The following PALLD variants were observed in gnomAD, a reference collection of about 807,000 sequenced individuals.
PALLD encodes the protein palladin, cytoskeletal associated protein.
PALLD carries 61 observed loss-of-function variants against 123.5 expected under a neutral mutation model. The ratio of observed to expected loss-of-function variants is 0.49; its 90% confidence interval spans 0.40 to 0.61. PALLD has a LOEUF of 0.61. PALLD is among the 20% of genes least tolerant of loss of function. The pLI, the probability that PALLD is intolerant of heterozygous loss-of-function variation, is 0.00. For missense variants in PALLD, 1,273 were observed against 1,377.0 expected (o/e 0.92, Z 1.20); for synonymous variants, 465 against 496.4 (o/e 0.94, Z 0.84).
chr4:168,916,267 C>T (rs990533767), intron 17 of PALLD, among the ~76,000 whole-genome samples: 6 of 152,042 alleles, frequency 3.9e-5, no homozygotes, highest in Admixed American at 3.3e-4. Context: ...CAAAAGTTAG[C>T]CAGGCGTGGT....
intron 10 of PALLD, among the ~76,000 whole-genome samples, chr4:168,729,689 C>T (rs1786962527): frequency 1.3e-5 from 2 of 152,074 alleles, no homozygotes; most frequent in Admixed American, 1.3e-4. Flanking sequence ...TCCTAAGTGC[C>T]ATATATTTCA....
In PALLD at chr4:168,832,087, C is replaced by T. The variant is rs530498178; in HGVS notation, c.1965-58835C>T. The T allele has an allele frequency of 2.5e-5, 24 of 967,948 alleles. No homozygotes were observed. The Admixed American group carries it at 7.4e-4, about 30-fold the overall frequency. 60.0% of individuals were successfully genotyped at this position (967,948 alleles called of 1,614,324 possible). ...GGTATAAAGCCCGATACCTGCCCCG[C>T]GCCCGGTCCGCGGAGCCCGCTGCAG... On this transcript the variant is annotated intron_variant, in intron 10 of 21. Coordinates refer to ENST00000505667, the MANE Select transcript of PALLD (RefSeq NM_001166108.2).
At chr4:168,924,882 G>C in intron 19 of PALLD, 63 bp from the exon 20 acceptor site, 1 of 1,528,624 alleles carries the variant, frequency 6.5e-7, no homozygotes, top group Non-Finnish European at 9.1e-7. Flanking sequence ...TAAAAATGAT[G>C]CTTCATGTCC....
At chr4:168,760,501 C>G (rs994269471) in intron 10 of PALLD, among the ~76,000 whole-genome samples, 5 of 152,156 alleles carry the variant, frequency 3.3e-5, no homozygotes, top group African/African-American at 1.2e-4. Context: ...TTCTCTTTCT[C>G]GTGAGTTACA....
intron 10 of PALLD, among the ~76,000 whole-genome samples, chr4:168,772,603 T>A (rs1734603052): frequency 6.6e-6 from 1 of 152,186 alleles, no homozygotes; most frequent in African/African-American, 2.4e-5. Flanking sequence ...ATTCTGTGAA[T>A]GATAGAGGTA....
chr4:168,648,553 T>C (rs1303657044), intron 2 of PALLD: 1 of 152,200 alleles, frequency 6.6e-6, no homozygotes, highest in Non-Finnish European at 1.5e-5. Context: ...TTGGGGAGCC[T>C]CTTTTGAGAT....
intron 3 of PALLD, among the ~76,000 whole-genome samples, chr4:168,679,408 TGTGCGTGTG>T (rs1781294508): frequency 9.9e-6 from 1 of 100,574 alleles, no homozygotes; most frequent in African/African-American, 4.5e-5. Flanking sequence ...CTGTGGGGTG[TGTGCGTGTG>T]GTAGGGTATG....
At chr4:168,568,148 T>C (rs1169401339) in intron 2 of PALLD, among the ~76,000 whole-genome samples, 1 of 151,938 alleles carries the variant, frequency 6.6e-6, no homozygotes, top group African/African-American at 2.4e-5. Flanking sequence ...GTTTATTAGT[T>C]TTTATTTCTA....
In PALLD at chr4:168,511,572, A is replaced by G. The variant is rs543156415; in HGVS notation, c.68A>G (p.Asn23Ser). ...SLSDMQEESKNTDFFPGLSAF... is the reference protein window; with the variant it reads ...SLSDMQEESKSTDFFPGLSAF... ...TCAGACATGCAGGAAGAAAGCAAGAATACTGACTTCTTCCCGGGCCTTTCT... is the reference window on the plus strand; with the variant it reads ...TCAGACATGCAGGAAGAAAGCAAGAGTACTGACTTCTTCCCGGGCCTTTCT... Residue 23 changes from asparagine (N) to serine (S), a missense_variant, in exon 2 of 22, where the codon AAT (asparagine) becomes AGT (serine). Coordinates refer to ENST00000505667, the MANE Select transcript of PALLD (RefSeq NM_001166108.2). The G allele has an allele frequency of 2.5e-6, 4 of 1,613,990 alleles. No individual in the cohort carries two copies. The South Asian group carries it at 4.4e-5, about 18-fold the overall frequency.
chr4:168,571,742 C>T lies in PALLD; in HGVS notation c.908+59330C>T, dbSNP rs532786911. ...TAAATTTCATGCTATGAACATCAGC[C>T]TTCCACAACTGCTTATTGAGTAGAC... On this transcript the variant is annotated intron_variant, in intron 2 of 21. Coordinates refer to ENST00000505667, the MANE Select transcript of PALLD (RefSeq NM_001166108.2). 3.3e-5 allele frequency among the ~76,000 whole-genome samples: 5 copies of T among 152,284 alleles called. No homozygotes were observed. The South Asian group carries it at 1.0e-3, about 32-fold the overall frequency.
chr4:168,775,132 T>C (rs1432422899), intron 10 of PALLD, among the ~76,000 whole-genome samples: 2 of 152,204 alleles, frequency 1.3e-5, no homozygotes, highest in Non-Finnish European at 2.9e-5. Flanking sequence ...TTTTCCAAAA[T>C]GGTTATATCG....
chr4:168,676,258 C>T lies in PALLD; in HGVS notation c.1088-5074C>T, dbSNP rs572766899. 2.2e-3 allele frequency among the ~76,000 whole-genome samples: 328 copies of T among 151,844 alleles called. 1 individual carries two copies. The highest frequency in any genetic ancestry group is 3.0e-3 in the Non-Finnish European group (204 of 67,974). Reference sequence around the variant, plus strand: ...ACGTTCTTTAAAACCATTCTAATTCCTTTGTAGTTGTTCAACATTTATAAA... The same window carrying T: ...ACGTTCTTTAAAACCATTCTAATTCTTTTGTAGTTGTTCAACATTTATAAA... On this transcript the variant is annotated intron_variant, in intron 3 of 21. Transcript: ENST00000505667.
At chr4:168,588,618 G>A (rs1771090067) in intron 2 of PALLD, among the ~76,000 whole-genome samples, 1 of 152,038 alleles carries the variant, frequency 6.6e-6, no homozygotes, top group African/African-American at 2.4e-5. Flanking sequence ...ATGTTGGCCA[G>A]GCTGGTCTCA....
At chr4:168,859,685 C>A (rs965933120) in intron 10 of PALLD, among the ~76,000 whole-genome samples, 2 of 152,078 alleles carry the variant, frequency 1.3e-5, no homozygotes, top group Non-Finnish European at 2.9e-5. Context: ...GAGCATCTGG[C>A]GAACCTCTAG....
intron 10 of PALLD, among the ~76,000 whole-genome samples, chr4:168,738,805 CT>C (rs1247424136): frequency 1.3e-5 from 2 of 151,424 alleles, no homozygotes; most frequent in Non-Finnish European, 2.9e-5. Flanking sequence ...TTATCTTACT[CT>C]TTTTTTATAT....
intron 2 of PALLD, among the ~76,000 whole-genome samples, chr4:168,546,776 C>A (rs1766176996): frequency 6.6e-6 from 1 of 152,144 alleles, no homozygotes; most frequent in South Asian, 2.1e-4. Flanking sequence ...TGATTTATTT[C>A]CAGCACAGAG....
At chr4:168,636,839 C>T (rs1006988487) in intron 2 of PALLD, among the ~76,000 whole-genome samples, 1 of 152,168 alleles carries the variant, frequency 6.6e-6, no homozygotes, top group Non-Finnish European at 1.5e-5. Context: ...CGAGGAGCTA[C>T]AGAGCCAGTG....
rs574489131 is a variant in PALLD at position 168,647,034 on chromosome 4, A to G, written c.909-21156A>G. 4.6e-5 allele frequency among the ~76,000 whole-genome samples: 7 copies of G among 152,362 alleles called. No homozygotes were observed. The South Asian group carries it at 1.5e-3, about 32-fold the overall frequency. ...GGCCTACCTCTCAATGTGCATAGCA[A>G]AAATAGTTTGGAAAAGAAAAAACAG... On this transcript the variant is annotated intron_variant, in intron 2 of 21. Transcript: ENST00000505667.
intron 10 of PALLD, among the ~76,000 whole-genome samples, chr4:168,712,875 CTT>C (rs1397786999): frequency 1.3e-5 from 2 of 152,148 alleles, no homozygotes; most frequent in African/African-American, 4.8e-5. Flanking sequence ...CTAGCCTACT[CTT>C]TTCTCTCTGT....
Sources: gnomAD v4.1 joint callset for allele counts (sites outside exome capture counted in the v4.1 genomes callset) on GRCh38, gnomAD v4.1.1 for gene constraint, MANE v1.5 for transcripts, NCBI Gene and HGNC (gene_info 2026-07-23, HGNC 2026-07-21) for gene names.